PRR12: variants seen among roughly 807,000 people sequenced by gnomAD.
The protein encoded by PRR12 is proline-rich protein 12.
A neutral mutation model predicts 138.0 loss-of-function variants in PRR12; 12 were observed. The observed-to-expected ratio is 0.09, with a 90% confidence interval of 0.06 to 0.14. The LOEUF is 0.14. Among genes scored for constraint, PRR12 ranks in the 10% least tolerant of loss-of-function variants. The pLI is 1.00. For missense variants in PRR12, 2,692 were observed against 2,861.3 expected, an observed-to-expected ratio of 0.94 and a Z score of 1.35; for synonymous variants, 1,567 against 1,291.7, an observed-to-expected ratio of 1.21 and a Z score of -4.57.
rs1185260710 is a variant in PRR12, at chr19:49,614,518, A to C, written c.4774-15A>C. ...GGGCTGACCCTGCTGGCCTCACCAC[A>C]CCCCTCCTCCTCAGCTGGCGTTGCA... On this transcript the variant is annotated splice_polypyrimidine_tract_variant and intron_variant, in intron 6 of 13. Transcript: ENST00000418929. This position sits in a 1 kb window ranked among gnomAD's most constrained non-coding sequence, Gnocchi z 5.0. 5.9e-6 allele frequency: 9 copies of C among 1,527,378 alleles called. No homozygotes were observed. The highest frequency in any genetic ancestry group is 4.4e-6 in the Non-Finnish European group (5 of 1,135,152). The allele number at this position is 1,527,378 out of a possible 1,614,324, so 94.6% of individuals were successfully genotyped here.
intron 6 of PRR12, among the ~76,000 whole-genome samples, chr19:49,609,687 G>T (rs1479304965): frequency 6.6e-6 from 1 of 152,162 alleles, no homozygotes; most frequent in African/African-American, 2.4e-5. Flanking sequence ...CAAAGGCCCT[G>T]TGGTGAGGGA....
intron 10 of PRR12, 28 bp downstream of exon 10, chr19:49,620,505 G>A (rs764931342): frequency 3.3e-6 from 5 of 1,534,352 alleles, no homozygotes; most frequent in South Asian, 1.2e-5. Flanking sequence ...GAGGAGGGGG[G>A]GGGGCTGACT....
rs765584966 is a variant in PRR12, at chr19:49,601,611, T to C, written c.4466T>C (p.Val1489Ala). The C allele has an allele frequency of 9.2e-5, 142 of 1,539,022 alleles. No homozygotes were observed. The African/African-American group carries it at 1.8e-3, about 20-fold the overall frequency. ...QPALPSPPPL[V>A]APTPSSPPPP... is the part of the protein sequence containing the mutation. Reference sequence around the variant, plus strand: ...GCCCTGCCCTCGCCACCCCCGCTGGTGGCCCCCACGCCCAGCTCACCACCG... The same window carrying C: ...GCCCTGCCCTCGCCACCCCCGCTGGCGGCCCCCACGCCCAGCTCACCACCG... Residue 1489 changes from valine (V) to alanine (A), a missense_variant, in exon 6 of 14, where the codon GTG becomes GCG. This residue lies in a region of PRR12 where 231 missense variants were observed against 200.8 expected (regional missense o/e 1.15). Transcript: ENST00000418929.
rs1367138823 is a variant in PRR12 at position 49,593,197 on chromosome 19, G to C, written c.87-130G>C. On this transcript the variant is annotated intron_variant, in intron 1 of 13. Coordinates refer to ENST00000418929, the MANE Select transcript of PRR12 (RefSeq NM_020719.3). ...TTGTGTTCTCCCCTTTAGGGCCTAC[G>C]GTTCCTTAGCTTAACACCCCCCACC... is the stretch of plus-strand genomic sequence containing the variant. 5 of 596,342 alleles carry C rather than the reference G, an allele frequency of 8.4e-6. No individual in the cohort carries two copies. The African/African-American group carries it at 9.4e-5, about 11-fold the overall frequency. 36.9% of individuals were successfully genotyped at this position (596,342 alleles called of 1,614,324 possible).
At position 49,615,848 on chromosome 19, in the gene PRR12, CG is replaced by C; in HGVS notation, c.5127del (p.Thr1710HisfsTer38). ...CCCAAGCCTGAGACCCCTGAAAAGA[CG>C]ACATCTGAGAAGCCCCCAGAGCAGA... is the stretch of plus-strand genomic sequence containing the variant. ...PPPKPETPEK[T>X]TSEKPPEQTP... On this transcript the variant is annotated frameshift_variant, in exon 9 of 14. Transcript: ENST00000418929. LOFTEE classifies it high-confidence loss of function. 6.2e-7 allele frequency: 1 copy of C among 1,607,840 alleles called. No individual in the cohort carries two copies. Among genetic ancestry groups the C allele is most frequent in the Non-Finnish European group, 8.5e-7 (1 of 1,177,286 alleles).
intron 6 of PRR12, among the ~76,000 whole-genome samples, chr19:49,613,330 CAAAAAAA>C (rs781467379): frequency 1.3e-5 from 1 of 76,706 alleles, no homozygotes; most frequent in South Asian, 4.5e-4. Flanking sequence ...GGCTCCATCT[CAAAAAAA>C]AAAAAAAAAA....
chr19:49,592,287 A>AG (rs1568420109), intron 1 of PRR12, among the ~76,000 whole-genome samples: 1 of 151,836 alleles, frequency 6.6e-6, no homozygotes, highest in African/African-American at 2.4e-5. Context: ...TGTGTAAGGG[A>AG]GGGGGTCAGG....
Position 49,596,513 on chromosome 19 carries a change from G to A in PRR12, c.2178G>A (p.Lys726=). 4.3e-6 allele frequency: 7 copies of A among 1,610,118 alleles called. No individual in the cohort carries two copies. Among genetic ancestry groups the A allele is most frequent in the African/African-American group, 1.3e-5 (1 of 74,980 alleles). ...AALELGLGRL[K]EKKKGPERGG... ...TGGAGCTGGGCCTGGGGAGGCTGAA[G>A]GAGAAGAAGAAAGGGCCAGAGCGGG... is the stretch of plus-strand genomic sequence containing the variant. The change falls in exon 4 of 14, where the codon AAG becomes AAA. Residue 726 remains lysine, a synonymous_variant. Transcript: ENST00000418929. The surrounding 1 kb of genome is among the most constrained non-coding windows in gnomAD (Gnocchi z 5.6).
intron 10 of PRR12, 22 bp downstream of exon 10, chr19:49,620,499 A>AGG: frequency 4.2e-6 from 5 of 1,180,372 alleles, no homozygotes; most frequent in Middle Eastern, 2.2e-4. Flanking sequence ...CCTGGGGAGG[A>AGG]GGGGGGGGGG....
In PRR12 at chr19:49,597,487, C is replaced by T. The variant is rs781076786; in HGVS notation, c.3152C>T (p.Pro1051Leu). Reference sequence around the variant, plus strand: ...CCTCCGCCACCGCCGCCTCCCGCGCCGGCCTCCGAACCCAAGGGTGGCCTC... The same window carrying T: ...CCTCCGCCACCGCCGCCTCCCGCGCTGGCCTCCGAACCCAAGGGTGGCCTC... ...PPPPPPPPPA[P>L]ASEPKGGLTS... Residue 1051 changes from proline (P) to leucine (L), a missense_variant, in exon 4 of 14, where the codon CCG becomes CTG. Transcript: ENST00000418929. This position sits in a 1 kb window ranked among gnomAD's most constrained non-coding sequence, Gnocchi z 6.3. The T allele has an allele frequency of 8.4e-6, 13 of 1,547,782 alleles. No individual in the cohort carries two copies. The African/African-American group carries it at 9.6e-5, about 11-fold the overall frequency.
At chr19:49,606,492 AG>A (rs1334001222) in intron 6 of PRR12, among the ~76,000 whole-genome samples, 1 of 149,702 alleles carries the variant, frequency 6.7e-6, no homozygotes, top group East Asian at 2.0e-4. Flanking sequence ...TTGTATTTTT[AG>A]GAGTTTCACT....
At chr19:49,617,905 C>T (rs1443411968) in intron 9 of PRR12, among the ~76,000 whole-genome samples, 4 of 152,172 alleles carry the variant, frequency 2.6e-5, no homozygotes, top group African/African-American at 9.6e-5. Context: ...CGAGACCAGC[C>T]TGGTCAACAT....
At chr19:49,591,808 C>T (rs1354130566) in intron 1 of PRR12, 68 bp downstream of exon 1, 20 of 990,908 alleles carry the variant, frequency 2.0e-5, no homozygotes, top group South Asian at 3.1e-5. Context: ...CGGGCCGGGC[C>T]GGGCCGGGCC....
chr19:49,609,396 G>A (rs2080854197), intron 6 of PRR12, among the ~76,000 whole-genome samples: 3 of 152,022 alleles, frequency 2.0e-5, no homozygotes, highest in Non-Finnish European at 4.4e-5. Flanking sequence ...AAGTCAGGAG[G>A]TTAAGATCAG....
chr19:49,609,592 C>A (rs144158848), intron 6 of PRR12, among the ~76,000 whole-genome samples: 5,142 of 132,028 alleles, frequency 0.039, 301 homozygotes, highest in African/African-American at 0.15. Flanking sequence ...CAGAGTGAGA[C>A]TGTCTCAAAA....
Position 49,599,859 on chromosome 19 carries a change from G to A in PRR12, c.4266G>A (p.Pro1422=), listed in dbSNP as rs369872338. 2.0e-5 allele frequency: 32 copies of A among 1,612,918 alleles called. No homozygotes were observed. The highest frequency in any genetic ancestry group is 1.6e-4 in the Middle Eastern group (1 of 6,084). ...GPKDTSTPDG[P]PLAPAAAVPG... Reference sequence around the variant, plus strand: ...AAGACACTTCCACCCCAGATGGGCCGCCCTTGGCCCCCGCGGCTGCAGTTC... The same window carrying A: ...AAGACACTTCCACCCCAGATGGGCCACCCTTGGCCCCCGCGGCTGCAGTTC... Residue 1422 remains proline (P), a synonymous_variant, in exon 5 of 14, where the codon CCG becomes CCA. Transcript: ENST00000418929. This position sits in a 1 kb window ranked among gnomAD's most constrained non-coding sequence, Gnocchi z 5.0.
chr19:49,598,806 G>C (rs2080792724), intron 4 of PRR12, among the ~76,000 whole-genome samples: 1 of 152,308 alleles, frequency 6.6e-6, no homozygotes, highest in South Asian at 2.1e-4. Flanking sequence ...CACAGAGTGA[G>C]ACCCTGTCTC....
At chr19:49,598,696 C>T (rs2080792157) in intron 4 of PRR12, among the ~76,000 whole-genome samples, 1 of 152,086 alleles carries the variant, frequency 6.6e-6, no homozygotes, top group African/African-American at 2.4e-5. Flanking sequence ...GCTGCGTGTA[C>T]CTACAGTCCC....
Position 49,599,448 on chromosome 19 carries a change from C to T in PRR12, c.3855C>T (p.Phe1285=). Residue 1285 remains phenylalanine, a synonymous_variant, in exon 5 of 14, where the codon TTC becomes TTT. Transcript: ENST00000418929. This position sits in a 1 kb window ranked among gnomAD's most constrained non-coding sequence, Gnocchi z 5.0. ...TGAAGTCGGGTTTCATGGCCTCCTT[C>T]TTGGACTTCCTCAAGTCAGGCAAGC... The part of the protein sequence containing the change: ...PEMKSGFMAS[F]LDFLKSGKRH... 6.2e-7 allele frequency: 1 copy of T among 1,605,806 alleles called. No individual in the cohort carries two copies. The highest frequency in any genetic ancestry group is 8.5e-7 in the Non-Finnish European group (1 of 1,176,716).
Sources: allele counts gnomAD v4.1 joint callset (sites outside exome capture counted in the v4.1 genomes callset), GRCh38; gene constraint gnomAD v4.1.1; regional missense constraint gnomAD v4.1.1; non-coding constraint Gnocchi (gnomAD v3.1); transcripts MANE v1.5; gene names NCBI Gene and HGNC (gene_info 2026-07-23, HGNC 2026-07-21).